Variants in VWF observed in about 807,000 individuals in gnomAD.
The protein encoded by VWF is von Willebrand factor, also known as Factor VIII related antigen.
A neutral mutation model predicts 308.6 loss-of-function variants in VWF; 176 were observed. The ratio of observed to expected loss-of-function variants is 0.57; its 90% CI spans 0.50 to 0.65. The LOEUF is 0.65. VWF is among the 30% of genes least tolerant of loss of function. VWF has a pLI of 0.00. For synonymous variants in VWF, 1,385 were observed against 1,443.4 expected (o/e 0.96, Z 0.92); for missense variants, 3,146 against 3,648.2 (o/e 0.86, Z 3.55).
chr12:5,967,623 G>C, intron 46 of VWF, 21 bp from the exon 47 acceptor site: 1 of 1,608,808 alleles, frequency 6.2e-7, no homozygotes, highest in Non-Finnish European at 8.5e-7. Flanking sequence ...AGGCACCAGG[G>C]TCAGGCCCCC....
intron 27 of VWF, chr12:6,021,592 A>G: frequency 2.9e-6 from 1 of 345,506 alleles, no homozygotes; most frequent in South Asian, 2.7e-5. Flanking sequence ...AAGTGACCAT[A>G]CCCCCACCTT....
At chr12:5,951,962 T>C in intron 49 of VWF, 79 bp from the exon 50 acceptor site, 2 of 1,422,886 alleles carry the variant, frequency 1.4e-6, no homozygotes, top group Non-Finnish European at 2.0e-6. Flanking sequence ...GGCCAATTTT[T>C]AGCTCCGAAC....
At chr12:6,108,605 C>A (rs776848275) in intron 5 of VWF, among the ~76,000 whole-genome samples, 11 of 148,634 alleles carry the variant, frequency 7.4e-5, no homozygotes, top group Non-Finnish European at 3.0e-5. Context: ...AAAAAAAAGG[C>A]TGCAAACAAG....
Position 5,981,853 on chromosome 12 carries a change from A to G in VWF, c.7220T>C (p.Leu2407Pro), listed in dbSNP as rs201494706. ...GGTGGCAGTTGAGGCCAAGTACCCA[A>G]GGGGACAGCTCACTGTGGAGTTGAC... ...NCVNSTVSCP[L>P]GYLASTATND... The change falls in exon 42 of 52, where the codon CTT becomes CCT. Residue 2407 changes from leucine (L) to proline (P), a missense_variant. By Grantham distance (98) the Leu-to-Pro change is moderately conservative. Transcript: ENST00000261405. The G allele has an allele frequency of 2.1e-5, 33 of 1,608,708 alleles. No individual in the cohort carries two copies. Among genetic ancestry groups the G allele is most frequent in the Admixed American group, 6.7e-5 (4 of 59,812 alleles).
chr12:5,967,709 C>A, intron 46 of VWF, 107 bp from the exon 47 acceptor site: 1 of 985,772 alleles, frequency 1.0e-6, no homozygotes, highest in South Asian at 1.3e-5. Flanking sequence ...TCCCATGAGC[C>A]ATCGCTCTGC....
intron 34 of VWF, among the ~76,000 whole-genome samples, chr12:5,999,329 G>A (rs1943846330): frequency 6.6e-6 from 1 of 152,118 alleles, no homozygotes; most frequent in Non-Finnish European, 1.5e-5. Context: ...ATAGTTTCAA[G>A]GGGACTGGGA....
In VWF at chr12:6,018,565, C is replaced by G; in HGVS notation, c.4853G>C (p.Arg1618Thr). 6.2e-7 allele frequency: 1 copy of G among 1,614,138 alleles called. No individual in the cohort carries two copies. Among genetic ancestry groups the G allele is most frequent in the Non-Finnish European group, 8.5e-7 (1 of 1,180,014 alleles). ...TGNPASDEIKRLPGDIQVVPI... is the reference protein window; with the variant it reads ...TGNPASDEIKTLPGDIQVVPI... ...CACCACCTGGATGTCTCCAGGCAGCCTCTTGATCTCATCAGAGGCAGGATT... is the reference window on the plus strand; with the variant it reads ...CACCACCTGGATGTCTCCAGGCAGCGTCTTGATCTCATCAGAGGCAGGATT... The change falls in exon 28 of 52, where the codon AGG (arginine) becomes ACG (threonine). Residue 1618 changes from arginine to threonine, a missense_variant. Arg to Thr is a moderately conservative substitution (Grantham distance 71). Transcript: ENST00000261405.
intron 5 of VWF, among the ~76,000 whole-genome samples, chr12:6,109,284 CAT>C (rs1053047016): frequency 1.0e-4 from 15 of 150,016 alleles, no homozygotes; most frequent in African/African-American, 3.3e-4. Flanking sequence ...TATACACACA[CAT>C]ATATAATTAC....
intron 32 of VWF, among the ~76,000 whole-genome samples, chr12:6,012,988 A>C (rs1403253534): frequency 6.6e-6 from 1 of 152,148 alleles, no homozygotes; most frequent in East Asian, 1.9e-4. Context: ...GACGTGAGCC[A>C]CTGCACCTGG....
At chr12:5,954,161 A>C (rs1327178158) in intron 47 of VWF, among the ~76,000 whole-genome samples, 1 of 152,194 alleles carries the variant, frequency 6.6e-6, no homozygotes, top group African/African-American at 2.4e-5. Context: ...GGACTCTGGT[A>C]ATAGTCTTAT....
chr12:6,104,794 C>T (rs1945222303), intron 5 of VWF, among the ~76,000 whole-genome samples: 1 of 152,080 alleles, frequency 6.6e-6, no homozygotes, highest in Non-Finnish European at 1.5e-5. Context: ...AAAAATATAC[C>T]TGCACTAGTA....
rs1048540014 is a variant in VWF at position 5,983,058 on chromosome 12, C to T, written c.7081+92G>A. On this transcript the variant is annotated intron_variant, in intron 41 of 51. Transcript: ENST00000261405. ...CAGCTAGGTAGAAAACAGGAAATGA[C>T]GTGATCTTGGAAGAGGTCCCTGAGG... 6.2e-5 allele frequency: 80 copies of T among 1,281,148 alleles called. 1 individual carries two copies. The highest frequency in any genetic ancestry group is 2.2e-4 in the Middle Eastern group (1 of 4,614). 79.4% of individuals were successfully genotyped at this position (1,281,148 alleles called of 1,614,324 possible). A position where few individuals can be genotyped will look rare whatever the true frequency, so the allele number is the denominator to read the frequency against.
intron 23 of VWF, 64 bp from the exon 24 acceptor site, chr12:6,025,757 A>G (rs1944183172): frequency 1.4e-6 from 2 of 1,468,742 alleles, no homozygotes; most frequent in Non-Finnish European, 1.9e-6. Context: ...TCAGCCCAGA[A>G]GGATCCAAGA....
intron 12 of VWF, 23 bp downstream of exon 12, chr12:6,064,223 T>C (rs747496604): frequency 9.9e-6 from 16 of 1,613,918 alleles, no homozygotes; most frequent in Admixed American, 8.3e-5. Flanking sequence ...GCCCCAGGCC[T>C]GATGGAGCAG....
chr12:6,095,857 G>A, intron 5 of VWF: 3 of 437,972 alleles, frequency 6.8e-6, no homozygotes, highest in Non-Finnish European at 8.5e-6. Context: ...CTCCCCAGGA[G>A]GCCCCCATAT....
At chr12:6,064,568 G>A (rs1042864571) in intron 11 of VWF, among the ~76,000 whole-genome samples, 184 bp from the exon 12 acceptor site, 1 of 152,170 alleles carries the variant, frequency 6.6e-6, no homozygotes, top group Non-Finnish European at 1.5e-5. Flanking sequence ...CAGCAAGAAG[G>A]CTTGCTAAGT....
chr12:6,088,112 T>G (rs1944992870), intron 6 of VWF, among the ~76,000 whole-genome samples: 1 of 152,224 alleles, frequency 6.6e-6, no homozygotes, highest in African/African-American at 2.4e-5. Flanking sequence ...GGTATATACA[T>G]GTACATTATA....
At chr12:6,000,743 C>CGGA (rs1371627399) in intron 34 of VWF, among the ~76,000 whole-genome samples, 1 of 134,436 alleles carries the variant, frequency 7.4e-6, no homozygotes, top group East Asian at 2.3e-4. Context: ...ACCTGGGAGG[C>CGGA]GGAGCTTGCA....
intron 2 of VWF, 147 bp downstream of exon 2, chr12:6,122,995 C>T (rs756635240): frequency 8.0e-6 from 8 of 999,042 alleles, no homozygotes; most frequent in African/African-American, 1.6e-5. Flanking sequence ...GTGGGAACTC[C>T]GCAGAACCTT....
Sources: gnomAD v4.1 joint callset for allele counts (sites outside exome capture counted in the v4.1 genomes callset) on GRCh38, gnomAD v4.1.1 for gene constraint, MANE v1.5 for transcripts, NCBI Gene and HGNC (gene_info 2026-07-23, HGNC 2026-07-21) for gene names.